Variants in ANXA4 observed in about 807,000 individuals in gnomAD.
ANXA4 encodes the protein annexin A4.
A neutral mutation model predicts 49.8 loss-of-function variants in ANXA4; 39 were observed. The ratio of observed to expected loss-of-function variants is 0.78; its 90% confidence interval spans 0.61 to 1.02. The LOEUF (loss-of-function observed/expected upper bound fraction) is 1.02. ANXA4 is among the 50% of genes least tolerant of loss of function. ANXA4 has a pLI of 0.00. For synonymous variants in ANXA4, 134 were observed against 152.5 expected (o/e 0.88, Z 0.89); for missense variants, 360 against 410.1 (o/e 0.88, Z 1.05).
At chr2:69,817,784 AC>A (rs1674062863) in intron 9 of ANXA4, 1 of 152,192 alleles carries the variant, frequency 6.6e-6, no homozygotes, top group African/African-American at 2.4e-5. Context: ...TGAGTGTGAC[AC>A]CCAGGAAGTT....
chr2:69,713,262 C>G (rs1469965669), intron 2 of ANXA4, among the ~76,000 whole-genome samples: 1 of 152,058 alleles, frequency 6.6e-6, no homozygotes, highest in Non-Finnish European at 1.5e-5. Context: ...CATGAAGAAC[C>G]TCTACTCCAT....
intron 1 of ANXA4, among the ~76,000 whole-genome samples, chr2:69,770,583 T>C (rs371130407): frequency 6.6e-5 from 10 of 152,108 alleles, no homozygotes; most frequent in Middle Eastern, 3.2e-3. Flanking sequence ...GCCGCCAAGT[T>C]GTGGTGGGGT....
chr2:69,658,399 CAAAA>C (rs754617600), intron 2 of ANXA4, among the ~76,000 whole-genome samples: 4 of 74,596 alleles, frequency 5.4e-5, no homozygotes, highest in Non-Finnish European at 9.5e-5. Context: ...GGTTCTGTCT[CAAAA>C]AAAAAAAAAA....
At chr2:69,646,131 G>A (rs1334652411) in intron 1 of ANXA4, among the ~76,000 whole-genome samples, 1 of 152,134 alleles carries the variant, frequency 6.6e-6, no homozygotes, top group Non-Finnish European at 1.5e-5. Context: ...TCATAGCTGG[G>A]ATCCTAGACC....
intron 2 of ANXA4, among the ~76,000 whole-genome samples, chr2:69,693,970 T>C (rs748703426): frequency 3.3e-5 from 5 of 151,908 alleles, no homozygotes; most frequent in Admixed American, 6.6e-5. Context: ...CCCACTTGAA[T>C]CTCCTGGCTA....
intron 1 of ANXA4, among the ~76,000 whole-genome samples, chr2:69,750,099 T>A (rs1670777957): frequency 6.6e-6 from 1 of 152,150 alleles, no homozygotes; most frequent in African/African-American, 2.4e-5. Flanking sequence ...TTTGTTATGT[T>A]TATGTATTAC....
intron 2 of ANXA4, among the ~76,000 whole-genome samples, chr2:69,674,816 CA>C (rs1677333145): frequency 6.6e-6 from 1 of 151,926 alleles, no homozygotes; most frequent in Non-Finnish European, 1.5e-5. Flanking sequence ...TATTCTCTGT[CA>C]TCCTCTTACA....
chr2:69,681,851 C>CTTTTTTTTTTTTTTTTTT (rs1677610554), intron 2 of ANXA4, among the ~76,000 whole-genome samples: 1 of 144,402 alleles, frequency 6.9e-6, no homozygotes, highest in Non-Finnish European at 1.5e-5. Flanking sequence ...TTTTTTTTTC[C>CTTTTTTTTTTTTTTTTTT]TTTGAGTCAG....
At chr2:69,679,163 G>A (rs1435923616) in intron 2 of ANXA4, among the ~76,000 whole-genome samples, 1 of 152,080 alleles carries the variant, frequency 6.6e-6, no homozygotes, top group Non-Finnish European at 1.5e-5. Context: ...TTGAGACAAA[G>A]TCTCACTCTG....
intron 7 of ANXA4, among the ~76,000 whole-genome samples, chr2:69,812,173 G>T (rs567863279): frequency 1.3e-5 from 2 of 149,248 alleles, no homozygotes; most frequent in African/African-American, 5.0e-5. Context: ...TCCCAGGCCA[G>T]CTCTTCACAG....
At chr2:69,654,855 G>A (rs190463669) in intron 2 of ANXA4, among the ~76,000 whole-genome samples, 95 of 152,184 alleles carry the variant, frequency 6.2e-4, no homozygotes, top group African/African-American at 2.2e-3. Flanking sequence ...CAGAACAGAG[G>A]CCTCAGAAAT....
At chr2:69,781,814 A>C (rs1672211803) in intron 2 of ANXA4, among the ~76,000 whole-genome samples, 1 of 152,156 alleles carries the variant, frequency 6.6e-6, no homozygotes, top group Non-Finnish European at 1.5e-5. Flanking sequence ...CATCCTGAGA[A>C]TATAGAAACA....
intron 2 of ANXA4, among the ~76,000 whole-genome samples, chr2:69,675,452 T>C (rs59880115): frequency 0.011 from 1,736 of 152,332 alleles, 38 homozygotes; most frequent in African/African-American, 0.039. Context: ...AGGATCTGTG[T>C]GCATTTTTAT....
intron 6 of ANXA4, chr2:69,809,134 T>G (rs1673584838): frequency 1.3e-5 from 2 of 152,200 alleles, no homozygotes; most frequent in Admixed American, 1.3e-4. Context: ...AGGAAGGATA[T>G]TTACAGAAAT....
chr2:69,678,062 C>CA (rs1677467551), intron 2 of ANXA4, among the ~76,000 whole-genome samples: 4 of 152,050 alleles, frequency 2.6e-5, no homozygotes, highest in Non-Finnish European at 5.9e-5. Context: ...ACTGAGAAAC[C>CA]AAAAAAATTT....
chr2:69,718,002 T>TA (rs1287151004), intron 2 of ANXA4, among the ~76,000 whole-genome samples: 1 of 152,192 alleles, frequency 6.6e-6, no homozygotes, highest in Non-Finnish European at 1.5e-5. Flanking sequence ...TAAGGCTGTA[T>TA]GTCTAGCTAG....
intron 1 of ANXA4, among the ~76,000 whole-genome samples, chr2:69,778,805 AG>A (rs1482573812): frequency 2.8e-5 from 4 of 141,542 alleles, no homozygotes; most frequent in Non-Finnish European, 6.2e-5. Context: ...AAAAAAAAAG[AG>A]AAATCAGAGG....
In ANXA4 at chr2:69,658,373, C is replaced by T. The variant is rs1262755517; in HGVS notation, n.766+5091C>T. Among the ~76,000 whole-genome samples, 3 of 145,508 alleles carry T rather than the reference C, an allele frequency of 2.1e-5. No individual in the cohort carries two copies. In the Admixed American group the frequency reaches 2.2e-4, roughly 11 times the overall value. On this transcript the variant is annotated intron_variant and non_coding_transcript_variant, in intron 2 of 3. Coordinates refer to the ANXA4 transcript ENST00000418066. ...TGAGATCACCCCACTGCACTCCAGC[C>T]TCGGTGACAGAGCAAGGTTCTGTCT...
At chr2:69,808,088 C>A (rs1195851964) in intron 6 of ANXA4, 92 bp downstream of exon 6, 5 of 1,220,310 alleles carry the variant, frequency 4.1e-6, no homozygotes, top group East Asian at 4.8e-5. Flanking sequence ...TTAGACTTTT[C>A]ACAGAACGCT....
Sources: allele counts gnomAD v4.1 joint callset (sites outside exome capture counted in the v4.1 genomes callset), GRCh38; gene constraint gnomAD v4.1.1; transcripts MANE v1.5; gene names NCBI Gene and HGNC (gene_info 2026-07-23, HGNC 2026-07-21).